Variants in FANCA observed in about 807,000 individuals in gnomAD.
FANCA encodes the protein FA complementation group A.
A neutral mutation model predicts 194.3 loss-of-function variants in FANCA; 236 were observed. That is an observed-to-expected ratio of 1.21 (90% CI 1.09 to 1.35). The LOEUF is 1.35. Ranked by LOEUF, FANCA falls within the 40% of genes most tolerant of loss-of-function variation. The pLI, the probability that FANCA is intolerant of heterozygous loss-of-function variation, is 0.00. For synonymous variants in FANCA, 1,014 were observed against 715.8 expected (o/e 1.42, Z -6.65); for missense variants, 2,628 against 1,813.9 (o/e 1.45, Z -8.15).
chr16:89,778,736 A>G, intron 20 of FANCA, 65 bp downstream of exon 20: 1 of 1,484,328 alleles, frequency 6.7e-7, no homozygotes. Context: ...CAGAAGATCC[A>G]CAATTCTTCG....
chr16:89,763,339 G>T (rs946497233), intron 28 of FANCA, among the ~76,000 whole-genome samples: 4 of 152,068 alleles, frequency 2.6e-5, no homozygotes, highest in Non-Finnish European at 2.9e-5. Flanking sequence ...ATATTGGCAG[G>T]CCAAAGCAGA....
rs572445657 is a variant in FANCA at position 89,773,972 on chromosome 16, C to T, written c.1901-588G>A. Among the ~76,000 whole-genome samples, 92 of 152,048 alleles carry T rather than the reference C, an allele frequency of 6.1e-4. 3 individuals carry two copies. The South Asian group carries it at 0.017, about 29-fold the overall frequency. On this transcript the variant is annotated intron_variant, in intron 21 of 42. Coordinates refer to ENST00000389301, the MANE Select transcript of FANCA (RefSeq NM_000135.4). ...TTTTAGTAGAGACGGGATTTCACCA[C>T]GTTGGCCAAGATGGTCTCGATCTCC...
At chr16:89,802,464 C>T (rs926218325) in intron 8 of FANCA, among the ~76,000 whole-genome samples, 2 of 152,030 alleles carry the variant, frequency 1.3e-5, no homozygotes, top group Admixed American at 6.6e-5. Context: ...TACAGTGACA[C>T]GATCTGGGCT....
At chr16:89,783,184 T>C in intron 15 of FANCA, 82 bp from the exon 16 acceptor site, 3 of 965,404 alleles carry the variant, frequency 3.1e-6, no homozygotes, top group Non-Finnish European at 5.0e-6. Context: ...ACTTCCAACA[T>C]CCACAGTGCT....
At chr16:89,778,364 G>T in intron 20 of FANCA, 1 of 372,956 alleles carries the variant, frequency 2.7e-6, no homozygotes, top group Non-Finnish European at 5.1e-6. Flanking sequence ...TACTCAGGAG[G>T]CTGAGGCAGG....
rs11076621 is a variant in FANCA, at chr16:89,771,519, A to G, written c.2151+159T>C. Among the ~76,000 whole-genome samples the G allele has an allele frequency of 0.06, 9,088 of 152,274 alleles. 409 individuals are homozygous for G. Among genetic ancestry groups the G allele is most frequent in the East Asian group, 0.22 (1,158 of 5,166 alleles). ...TCTTCATACACAAACAGACTGTGGC[A>G]GCTGACCCTGGTACACCGCTGCCTG... On this transcript the variant is annotated intron_variant, in intron 23 of 42. Transcript: ENST00000389301.
At position 89,737,963 on chromosome 16, in the gene FANCA, C is replaced by T. The variant is rs1381721615; in HGVS notation, c.*638G>A. 3 of 1,614,124 alleles carry T rather than the reference C, an allele frequency of 1.9e-6. No homozygotes were observed. Among genetic ancestry groups the T allele is most frequent in the South Asian group, 2.2e-5 (2 of 91,084 alleles). ...GTGGCCCTCGCACCTTCTTATCTGC[C>T]TCTGTCCCCCAGGTGTGAGGTCTGT... On this transcript the variant is annotated 3_prime_UTR_variant, in exon 43 of 43. Coordinates refer to ENST00000389301, the MANE Select transcript of FANCA (RefSeq NM_000135.4).
chr16:89,770,181 C>T lies in FANCA; in HGVS notation c.2301G>A (p.Gln767=). The T allele has an allele frequency of 3.1e-6, 5 of 1,591,758 alleles. No individual in the cohort carries two copies. Among genetic ancestry groups the T allele is most frequent in the Non-Finnish European group, 4.3e-6 (5 of 1,169,702 alleles). ...VLPAVLTRLC[Q]LLRHQGPSLS... ...AGAGCCTCACCTGGTGACGGAGCAG[C>T]TGGCAGAGCCGGGTGAGCACTGCAG... Residue 767 remains glutamine (Q), a synonymous_variant, in exon 25 of 43, where the codon CAG becomes CAA. Transcript: ENST00000389301.
intron 15 of FANCA, among the ~76,000 whole-genome samples, 181 bp downstream of exon 15, chr16:89,784,673 G>C (rs993948018): frequency 6.6e-6 from 1 of 152,106 alleles, no homozygotes; most frequent in African/African-American, 2.4e-5. Flanking sequence ...GACACCTCCA[G>C]TTGCAATGTT....
intron 26 of FANCA, among the ~76,000 whole-genome samples, chr16:89,769,042 C>T (rs1157275613): frequency 1.3e-5 from 2 of 152,186 alleles, no homozygotes; most frequent in East Asian, 1.9e-4. Context: ...GTGTGGGATC[C>T]GCACAGCTGC....
chr16:89,788,978 C>T (rs962395780), intron 14 of FANCA, among the ~76,000 whole-genome samples: 1 of 152,042 alleles, frequency 6.6e-6, no homozygotes, highest in Non-Finnish European at 1.5e-5. Flanking sequence ...TCCCAACTGT[C>T]GCCTCTGGAA....
chr16:89,816,034 G>T, intron 1 of FANCA, 48 bp from the exon 2 acceptor site: 2 of 1,448,542 alleles, frequency 1.4e-6, no homozygotes, highest in South Asian at 1.1e-5. Flanking sequence ...ATTCACACAC[G>T]GGGTCCCCGG....
At chr16:89,746,554 A>G (rs1167155736) in intron 35 of FANCA, 30 bp downstream of exon 35, 2 of 1,596,474 alleles carry the variant, frequency 1.3e-6, no homozygotes, top group Non-Finnish European at 1.7e-6. Context: ...CATCCCCAAA[A>G]CAAAACACCA....
At position 89,737,686 on chromosome 16, in the gene FANCA, T is replaced by C. The variant is rs2061984574; in HGVS notation, c.*915A>G. 1 of 1,554,258 alleles carries C rather than the reference T, an allele frequency of 6.4e-7. No individual in the cohort carries two copies. The highest frequency in any genetic ancestry group is 8.7e-7 in the Non-Finnish European group (1 of 1,148,624). On this transcript the variant is annotated 3_prime_UTR_variant, in exon 43 of 43. Transcript: ENST00000389301. ...TCATAGGCCCCTTGCTTGGGCCCAC[T>C]GCATGGTGAACCATGTGCAGAAATG...
chr16:89,759,903 G>A (rs960119960), intron 29 of FANCA, among the ~76,000 whole-genome samples: 15 of 152,206 alleles, frequency 9.9e-5, no homozygotes, highest in Admixed American at 5.2e-4. Flanking sequence ...CACTGTCCGG[G>A]ACTGGGGTGC....
chr16:89,765,058 G>A lies in FANCA; in HGVS notation c.2610C>T (p.Phe870=), dbSNP rs201160735. The A allele has an allele frequency of 6.8e-6, 11 of 1,614,140 alleles. No homozygotes were observed. The highest frequency in any genetic ancestry group is 7.6e-6 in the Non-Finnish European group (9 of 1,179,998). Residue 870 remains phenylalanine, a synonymous_variant, in exon 28 of 43, where the codon TTC becomes TTT. Transcript: ENST00000389301. The part of the protein sequence containing the change: ...LSPGLIKKFQ[F]LMFRLFSEAR... ...CCTCTGAGAACAATCTGAACATGAG[G>A]AACTGAAACTGAAACAGAGAGTGAC...
At chr16:89,758,001 A>G (rs1012931228) in intron 30 of FANCA, among the ~76,000 whole-genome samples, 2 of 151,966 alleles carry the variant, frequency 1.3e-5, no homozygotes, top group South Asian at 4.2e-4. Context: ...GATTACAGGC[A>G]CCCGCCACCA....
chr16:89,762,134 T>A, intron 28 of FANCA, 112 bp from the exon 29 acceptor site: 1 of 839,006 alleles, frequency 1.2e-6, no homozygotes, highest in Non-Finnish European at 2.1e-6. Flanking sequence ...CATGTCCCTG[T>A]GTTATAATGA....
rs368730853 is a variant in FANCA, at chr16:89,792,086, G to C, written c.1084-18C>G. On this transcript the variant is annotated intron_variant, in intron 12 of 42. Coordinates refer to ENST00000389301, the MANE Select transcript of FANCA (RefSeq NM_000135.4). Reference sequence around the variant, plus strand: ...ACAAAGAGCTGAAATAAAAGCATCCGCTCCCTTCAATATCCAAGCAAACCA... The same window carrying C: ...ACAAAGAGCTGAAATAAAAGCATCCCCTCCCTTCAATATCCAAGCAAACCA... 6.2e-7 allele frequency: 1 copy of C among 1,614,056 alleles called. No individual in the cohort carries two copies. The highest frequency in any genetic ancestry group is 2.2e-5 in the East Asian group (1 of 44,882).
Sources: allele counts gnomAD v4.1 joint callset (sites outside exome capture counted in the v4.1 genomes callset), GRCh38; gene constraint gnomAD v4.1.1; transcripts MANE v1.5; gene names NCBI Gene and HGNC (gene_info 2026-07-23, HGNC 2026-07-21).